Variants in AGBL4 observed in about 807,000 individuals in gnomAD.
AGBL4 encodes AGBL carboxypeptidase 4, also known as cytosolic carboxypeptidase 6.
AGBL4 carries 58 observed loss-of-function variants against 66.4 expected under a neutral mutation model. The observed-to-expected ratio is 0.87, with a 90% CI of 0.71 to 1.09. The LOEUF (loss-of-function observed/expected upper bound fraction) is 1.09. Ranked by LOEUF, AGBL4 falls within the 50% of genes least tolerant of loss-of-function variation. The pLI, the probability that AGBL4 is intolerant of heterozygous loss-of-function variation, is 0.00. For synonymous variants in AGBL4, 234 were observed against 222.9 expected, an observed-to-expected ratio of 1.05 and a Z score of -0.44; for missense variants, 579 against 631.0, an observed-to-expected ratio of 0.92 and a Z score of 0.88.
chr1:49,173,348 T>A (rs1646773504), intron 4 of AGBL4, among the ~76,000 whole-genome samples: 1 of 152,238 alleles, frequency 6.6e-6, no homozygotes, highest in East Asian at 1.9e-4. Context: ...CTCAAAGAGG[T>A]TAATTTAACT....
chr1:48,987,932 T>A (rs980180267), intron 5 of AGBL4, among the ~76,000 whole-genome samples: 1 of 152,158 alleles, frequency 6.6e-6, no homozygotes. Flanking sequence ...GTTTTTCTCA[T>A]GCTGGGCACT....
At chr1:49,707,116 G>A (rs924589276) in intron 2 of AGBL4, among the ~76,000 whole-genome samples, 27 of 151,954 alleles carry the variant, frequency 1.8e-4, no homozygotes, top group African/African-American at 2.9e-4. Context: ...TTTCTGTCTC[G>A]TTGATCTGTC....
At chr1:49,871,409 G>C (rs1287708116) in intron 1 of AGBL4, among the ~76,000 whole-genome samples, 1 of 151,992 alleles carries the variant, frequency 6.6e-6, no homozygotes, top group Non-Finnish European at 1.5e-5. Flanking sequence ...TGCAATTCTT[G>C]TTGAAATCTT....
At chr1:49,500,705 T>A (rs1422536986) in intron 3 of AGBL4, among the ~76,000 whole-genome samples, 1 of 152,154 alleles carries the variant, frequency 6.6e-6, no homozygotes, top group African/African-American at 2.4e-5. Context: ...TTGTTTTATT[T>A]CTGGGTTCTC....
At chr1:49,923,032 CA>C (rs1168607121) in intron 1 of AGBL4, among the ~76,000 whole-genome samples, 1 of 152,128 alleles carries the variant, frequency 6.6e-6, no homozygotes, top group Non-Finnish European at 1.5e-5. Context: ...GCAAAAACAA[CA>C]AAGCTGGAGG....
At chr1:49,086,980 C>T (rs1644919068) in intron 4 of AGBL4, among the ~76,000 whole-genome samples, 1 of 151,826 alleles carries the variant, frequency 6.6e-6, no homozygotes, top group Non-Finnish European at 1.5e-5. Flanking sequence ...CAACTGAACC[C>T]CACCTTATAC....
intron 4 of AGBL4, among the ~76,000 whole-genome samples, chr1:49,070,126 T>C (rs1165226890): frequency 6.6e-6 from 1 of 151,998 alleles, no homozygotes; most frequent in African/African-American, 2.4e-5. Flanking sequence ...CTTAAGGAGA[T>C]TTTGGGCTGA....
At chr1:48,810,816 C>A (rs530087468) in intron 6 of AGBL4, among the ~76,000 whole-genome samples, 1 of 152,256 alleles carries the variant, frequency 6.6e-6, no homozygotes, top group South Asian at 2.1e-4. Flanking sequence ...TCTGAGGCAA[C>A]CAGTTCAGAG....
intron 2 of AGBL4, among the ~76,000 whole-genome samples, chr1:49,746,084 A>G (rs969280756): frequency 6.6e-6 from 1 of 152,034 alleles, no homozygotes; most frequent in African/African-American, 2.4e-5. Flanking sequence ...TCAATTAATT[A>G]TTTAATTTTA....
chr1:49,880,791 G>A (rs1019657953), intron 1 of AGBL4, among the ~76,000 whole-genome samples: 2 of 151,874 alleles, frequency 1.3e-5, no homozygotes, highest in African/African-American at 4.8e-5. Flanking sequence ...ATCTCAGACT[G>A]CTGTGCTAGC....
chr1:49,503,645 G>A (rs1220893706), intron 3 of AGBL4, among the ~76,000 whole-genome samples: 1 of 152,172 alleles, frequency 6.6e-6, no homozygotes, highest in Middle Eastern at 3.2e-3. Context: ...ACCTGGATGT[G>A]AGACATGGAG....
At chr1:49,827,749 C>G (rs12128108) in intron 2 of AGBL4, among the ~76,000 whole-genome samples, 1 of 151,944 alleles carries the variant, frequency 6.6e-6, no homozygotes, top group Non-Finnish European at 1.5e-5. Context: ...TTGACAAACT[C>G]ATGTGGCAAA....
At chr1:49,390,415 T>A (rs1286366837) in intron 3 of AGBL4, among the ~76,000 whole-genome samples, 1 of 152,200 alleles carries the variant, frequency 6.6e-6, no homozygotes, top group African/African-American at 2.4e-5. Flanking sequence ...AACAATGGAT[T>A]ACAGGGCTGC....
At chr1:49,667,439 C>A (rs1646392984) in intron 3 of AGBL4, among the ~76,000 whole-genome samples, 1 of 151,578 alleles carries the variant, frequency 6.6e-6, no homozygotes, top group Middle Eastern at 3.2e-3. Flanking sequence ...GCCTGGCCAA[C>A]AAAATGAGAC....
chr1:48,550,031 A>T (rs543747167), intron 11 of AGBL4, among the ~76,000 whole-genome samples: 2 of 152,304 alleles, frequency 1.3e-5, no homozygotes, highest in African/African-American at 4.8e-5. Flanking sequence ...GTGAAATGCA[A>T]TTCCACAGAG....
intron 3 of AGBL4, among the ~76,000 whole-genome samples, chr1:49,339,236 A>T (rs550065055): frequency 6.6e-6 from 1 of 152,306 alleles, no homozygotes; most frequent in South Asian, 2.1e-4. Context: ...TTTCAATGTT[A>T]TTTGTTCAGT....
chr1:48,528,317 A>C (rs978554255), downstream of AGBL4, among the ~76,000 whole-genome samples: 6 of 152,150 alleles, frequency 3.9e-5, no homozygotes, highest in Non-Finnish European at 7.3e-5. Flanking sequence ...AGGGCTTCCA[A>C]CCTGAGCAAT....
intron 2 of AGBL4, among the ~76,000 whole-genome samples, chr1:49,771,514 T>C (rs1644057393): frequency 6.6e-6 from 1 of 152,092 alleles, no homozygotes; most frequent in Non-Finnish European, 1.5e-5. Flanking sequence ...GTCCATTTGG[T>C]TTCTGGTGTA....
At chr1:48,953,576 T>C (rs537560515) in intron 5 of AGBL4, among the ~76,000 whole-genome samples, 137 of 152,306 alleles carry the variant, frequency 9.0e-4, no homozygotes, top group Non-Finnish European at 1.3e-3. Context: ...TCAGAAAATA[T>C]GACAAGTAAC....
Sources: gnomAD v4.1 joint callset for allele counts (sites outside exome capture counted in the v4.1 genomes callset) on GRCh38, gnomAD v4.1.1 for gene constraint, MANE v1.5 for transcripts, NCBI Gene and HGNC (gene_info 2026-07-23, HGNC 2026-07-21) for gene names.